The following TRIML2 variants were observed in gnomAD, a reference collection of about 807,000 sequenced individuals.
TRIML2 encodes probable E3 ubiquitin-protein ligase TRIML2.
A neutral mutation model predicts 31.2 loss-of-function variants in TRIML2; 28 were observed. The ratio of observed to expected loss-of-function variants is 0.90; its 90% confidence interval spans 0.66 to 1.23. The LOEUF (loss-of-function observed/expected upper bound fraction) is 1.23. TRIML2 is among the 50% of genes most tolerant of loss of function. The pLI, the probability that TRIML2 is intolerant of heterozygous loss-of-function variation, is 0.00. For missense variants in TRIML2, 536 were observed against 528.3 expected, an observed-to-expected ratio of 1.01 and a Z score of -0.14; for synonymous variants, 187 against 197.5, an observed-to-expected ratio of 0.95 and a Z score of 0.45.
intron 7 of TRIML2, among the ~76,000 whole-genome samples, chr4:188,095,023 AG>A (rs1331332861): frequency 6.6e-6 from 1 of 152,198 alleles, no homozygotes; most frequent in Non-Finnish European, 1.5e-5. Context: ...GAATGGACAA[AG>A]GTAGTGTTTT....
intron 7 of TRIML2, among the ~76,000 whole-genome samples, chr4:188,094,752 G>A (rs1379378553): frequency 3.9e-5 from 6 of 152,218 alleles, no homozygotes; most frequent in African/African-American, 9.6e-5. Flanking sequence ...AAATCCCAGC[G>A]GTCCATTTTG....
intron 5 of TRIML2, among the ~76,000 whole-genome samples, chr4:188,097,896 C>A (rs961895595): frequency 4.6e-5 from 7 of 152,044 alleles, no homozygotes; most frequent in African/African-American, 1.7e-4. Context: ...CCAAGGTGGG[C>A]GTATAACCTG....
intron 4 of TRIML2, 59 bp downstream of exon 4, chr4:188,100,997 T>G: frequency 6.8e-7 from 1 of 1,472,736 alleles, no homozygotes; most frequent in Non-Finnish European, 9.2e-7. Flanking sequence ...ATTGACATAA[T>G]GTTTAGCTCT....
intron 4 of TRIML2, among the ~76,000 whole-genome samples, chr4:188,100,620 G>A (rs866572612): frequency 6.6e-6 from 1 of 152,128 alleles, no homozygotes; most frequent in Non-Finnish European, 1.5e-5. Flanking sequence ...TACTTGGGAG[G>A]CTGAGGCAGG....
chr4:188,103,140 G>C (rs968870795), intron 3 of TRIML2, among the ~76,000 whole-genome samples: 1 of 150,646 alleles, frequency 6.6e-6, no homozygotes. Context: ...AGTCACCTGA[G>C]TAGCTGGGAC....
chr4:188,105,151 G>A, intron 2 of TRIML2, 29 bp downstream of exon 2: 1 of 1,588,382 alleles, frequency 6.3e-7, no homozygotes, highest in Non-Finnish European at 8.6e-7. Flanking sequence ...TGGCCAGAGT[G>A]TTTTGGGATT....
At chr4:188,101,518 AC>A (rs2111178192) in intron 3 of TRIML2, among the ~76,000 whole-genome samples, 1 of 151,516 alleles carries the variant, frequency 6.6e-6, no homozygotes, top group Admixed American at 6.6e-5. Context: ...GCATGGTGAA[AC>A]CCCATCTCTA....
At chr4:188,098,830 C>T (rs1437221850) in intron 5 of TRIML2, 1 of 552,162 alleles carries the variant, frequency 1.8e-6, no homozygotes, top group African/African-American at 1.9e-5. Context: ...GGTGAGAATT[C>T]ATCTCATGAA....
chr4:188,092,639 G>A (rs540309527), intron 7 of TRIML2: 5 of 361,014 alleles, frequency 1.4e-5, no homozygotes, highest in East Asian at 7.6e-5. Context: ...TGGCCCTCCC[G>A]ATGCCGTACT....
At position 188,091,828 on chromosome 4, in the gene TRIML2, A is replaced by G; in HGVS notation, c.859T>C (p.Leu287=). The change falls in exon 8 of 8, where the codon TTG becomes CTG. Residue 287 remains leucine, a synonymous_variant. Coordinates refer to ENST00000682553, the MANE Select transcript of TRIML2 (RefSeq NM_173553.4). ...GCCAGCACCATGGCACTGAAATCCA[A>G]TCTTTCTGGGTTGCCAGCCCCATCC... ...QQDGAGNPER[L]DFSAMVLAAE... is the part of the protein sequence containing the mutation. 1.9e-6 allele frequency: 3 copies of G among 1,614,034 alleles called. No individual in the cohort carries two copies. The highest frequency in any genetic ancestry group is 1.1e-5 in the South Asian group (1 of 91,078).
Position 188,091,667 on chromosome 4 carries a change from C to A in TRIML2, c.1020G>T (p.Leu340Phe), listed in dbSNP as rs776821285. Reference sequence around the variant, plus strand: ...CGGTCCCCATCACCGACCCCGTGAGCAAGACTTTCTCTCCGGAAGCTCTGG... The same window carrying A: ...CGGTCCCCATCACCGACCCCGTGAGAAAGACTTTCTCTCCGGAAGCTCTGG... ...STARASGEKV[L>F]LTGSVMGTEW... Residue 340 changes from leucine to phenylalanine, a missense_variant, in exon 8 of 8, where the codon TTG (leucine) becomes TTT (phenylalanine). Physicochemically the swap from Leu to Phe is conservative, Grantham distance 22. Transcript: ENST00000682553. 1.6e-5 allele frequency: 26 copies of A among 1,613,236 alleles called. No individual in the cohort carries two copies. Among genetic ancestry groups the A allele is most frequent in the Non-Finnish European group, 2.2e-5 (26 of 1,179,380 alleles).
chr4:188,097,550 A>G (rs1429646963), intron 5 of TRIML2, among the ~76,000 whole-genome samples: 1 of 152,186 alleles, frequency 6.6e-6, no homozygotes, highest in Non-Finnish European at 1.5e-5. Flanking sequence ...CGTAGTCCCA[A>G]GGGAAAGGTT....
At chr4:188,097,625 C>T (rs1733576004) in intron 5 of TRIML2, among the ~76,000 whole-genome samples, 2 of 152,192 alleles carry the variant, frequency 1.3e-5, no homozygotes, top group South Asian at 4.1e-4. Context: ...ACGGGAGCAT[C>T]TATCTGCTTT....
In TRIML2 at chr4:188,101,066, T is replaced by C. The variant is rs1441279859; in HGVS notation, c.470A>G (p.Glu157Gly). Residue 157 changes from glutamate (E) to glycine (G), a missense_variant, in exon 4 of 8, where the codon GAA becomes GGA. Glu to Gly is a moderately conservative substitution (Grantham distance 98). Transcript: ENST00000682553. The part of the protein sequence containing the change: ...LATELEEMFQ[E>G]MLQRLGRVGR... Reference sequence around the variant, plus strand: ...TTTTCAATATCTCACCTGTAGCATTTCCTGGAACATCTCCTCTAGCTCGGT... The same window carrying C: ...TTTTCAATATCTCACCTGTAGCATTCCCTGGAACATCTCCTCTAGCTCGGT... The C allele has an allele frequency of 3.1e-6, 5 of 1,609,006 alleles. No individual in the cohort carries two copies. The highest frequency in any genetic ancestry group is 4.2e-6 in the Non-Finnish European group (5 of 1,177,252).
At chr4:188,102,345 TAG>T (rs1439133928) in intron 3 of TRIML2, among the ~76,000 whole-genome samples, 2 of 151,888 alleles carry the variant, frequency 1.3e-5, no homozygotes, top group African/African-American at 2.4e-5. Context: ...CCAAAATATA[TAG>T]AGAGAATCTA....
At chr4:188,097,260 T>G in intron 6 of TRIML2, 64 bp downstream of exon 6, 2 of 1,601,622 alleles carry the variant, frequency 1.2e-6, no homozygotes, top group South Asian at 2.2e-5. Flanking sequence ...GCAATCTCCC[T>G]ATCTCAATCA....
intron 7 of TRIML2, among the ~76,000 whole-genome samples, chr4:188,092,381 A>G (rs1472544636): frequency 6.6e-6 from 1 of 151,970 alleles, no homozygotes. Context: ...AAATTGCTTG[A>G]ACCCAGGAGG....
At position 188,091,435 on chromosome 4, in the gene TRIML2, TTG is replaced by T; in HGVS notation, c.1250_1251del (p.Thr417LysfsTer15). The T allele has an allele frequency of 6.2e-7, 1 of 1,614,182 alleles. No individual in the cohort carries two copies. Among genetic ancestry groups the T allele is most frequent in the Non-Finnish European group, 8.5e-7 (1 of 1,180,044 alleles). On this transcript the variant is annotated frameshift_variant, in exon 8 of 8. Transcript: ENST00000682553. LOFTEE classifies it low-confidence loss of function (END_TRUNC). ...TGTAAGATGGTGAGGGAGTCTGGAC[TTG>T]TGTCTCCATTTGGGATACAGAGGGA... ...VFSLCIPNGD[T>X]SPDSLTILQH... is the part of the protein sequence containing the mutation.
At position 188,098,815 on chromosome 4, in the gene TRIML2, T is replaced by A. The variant is rs149137314; in HGVS notation, c.621+220A>T. 4.7e-4 allele frequency: 246 copies of A among 518,128 alleles called. 2 individuals are homozygous for A. Among genetic ancestry groups the A allele is most frequent in the African/African-American group, 4.3e-3 (223 of 51,726 alleles). The allele number at this position is 518,128 out of a possible 1,614,324, so 32.1% of individuals were successfully genotyped here. On this transcript the variant is annotated intron_variant, in intron 5 of 7. Transcript: ENST00000682553. The stretch of plus-strand genomic sequence containing the variant: ...TCAACCCTAACTTACTGCTGATAAT[T>A]TTAAGGTGAGAATTCATCTCATGAA...
Sources: allele counts gnomAD v4.1 joint callset (sites outside exome capture counted in the v4.1 genomes callset), GRCh38; gene constraint gnomAD v4.1.1; transcripts MANE v1.5; gene names NCBI Gene and HGNC (gene_info 2026-07-23, HGNC 2026-07-21).